Variants in PLOD3 observed in about 807,000 individuals in gnomAD.
The protein encoded by PLOD3 is procollagen-lysine,2-oxoglutarate 5-dioxygenase 3.
Under a neutral mutation model 96.9 loss-of-function variants are expected in PLOD3, and 73 were observed. The observed-to-expected ratio is 0.75, with a 90% CI of 0.62 to 0.92. The LOEUF is 0.92. Ranked by LOEUF, PLOD3 falls within the 40% of genes least tolerant of loss-of-function variation. PLOD3 has a pLI of 0.00. For synonymous variants in PLOD3, 454 were observed against 413.7 expected (o/e 1.10, Z -1.18); for missense variants, 1,004 against 1,004.3 (o/e 1.00, Z 0.00).
chr7:101,210,415 A>G lies in PLOD3; in HGVS notation c.1530T>C (p.His510=). The G allele has an allele frequency of 6.2e-7, 1 of 1,614,158 alleles. No homozygotes were observed. Among genetic ancestry groups the G allele is most frequent in the Non-Finnish European group, 8.5e-7 (1 of 1,180,024 alleles). The part of the protein sequence containing the change: ...KGIFLHLSNQ[H]EFGRLLATSR... ...AAGTGGCCAGGAGCCGGCCAAATTCATGCTGATTGCTCAGATGGAGGAAGA... is the reference window on the plus strand; with the variant it reads ...AAGTGGCCAGGAGCCGGCCAAATTCGTGCTGATTGCTCAGATGGAGGAAGA... Residue 510 remains histidine (H), a synonymous_variant, in exon 14 of 19, where the codon CAT becomes CAC. Transcript: ENST00000223127.
intron 13 of PLOD3, 36 bp from the exon 14 acceptor site, chr7:101,210,480 T>C (rs1584252104): frequency 1.2e-6 from 2 of 1,613,690 alleles, no homozygotes; most frequent in African/African-American, 1.3e-5. Flanking sequence ...ATGCAGGCGA[T>C]GCCTGGAGTC....
chr7:101,209,538 T>C (rs1171600716), intron 15 of PLOD3, among the ~76,000 whole-genome samples: 3 of 142,040 alleles, frequency 2.1e-5, no homozygotes, highest in Non-Finnish European at 3.0e-5. Context: ...CCATCACACC[T>C]GACTAATTTT....
intron 14 of PLOD3, 55 bp from the exon 15 acceptor site, chr7:101,210,216 A>C (rs1335675673): frequency 4.0e-6 from 6 of 1,499,966 alleles, no homozygotes; most frequent in Non-Finnish European, 5.5e-6. Flanking sequence ...CCCAGCCCCC[A>C]GGGGACCGCC....
chr7:101,206,634 G>A, intron 18 of PLOD3, 145 bp downstream of exon 18: 2 of 1,082,832 alleles, frequency 1.8e-6, no homozygotes, highest in Non-Finnish European at 2.7e-6. Flanking sequence ...GAGGCCGCCT[G>A]CCCAGAAGCG....
chr7:101,207,116 T>C (rs1340499377), intron 17 of PLOD3, among the ~76,000 whole-genome samples: 3 of 151,944 alleles, frequency 2.0e-5, no homozygotes, highest in Non-Finnish European at 4.4e-5. Context: ...GCTGGGATTA[T>C]AGGCACCTGC....
Position 101,215,995 on chromosome 7 carries a change from G to C in PLOD3, c.528C>G (p.Ile176Met). The change falls in exon 5 of 19, where the codon ATC becomes ATG. Residue 176 changes from isoleucine to methionine, a missense_variant. Around this residue, in one of 5 missense-constraint regions of PLOD3, gnomAD observed 690 missense variants for 650.2 expected, o/e 1.06. Coordinates refer to ENST00000223127, the MANE Select transcript of PLOD3 (RefSeq NM_001084.5). ...SGGFIGFATT[I>M]HQIVRQWKYK... ...ACTTCCACTGGCGCACGATTTGGTG[G>C]ATGGTGGTGGCAAAACCGATGAATC... 6.2e-7 allele frequency: 1 copy of C among 1,614,128 alleles called. No homozygotes were observed. The highest frequency in any genetic ancestry group is 1.1e-5 in the South Asian group (1 of 91,078).
rs1490393008 is a variant in PLOD3, at chr7:101,206,407, G to C, written c.2091C>G (p.Asp697Glu). ...EGGGCRFLRY[D>E]CVISSPRKGW... Reference sequence around the variant, plus strand: ...CCTTCCTCGGGGAGGAGATCACACAGTCGTAGCGCAGGAAGCGGCAGCCAC... The same window carrying C: ...CCTTCCTCGGGGAGGAGATCACACACTCGTAGCGCAGGAAGCGGCAGCCAC... Residue 697 changes from aspartate to glutamate, a missense_variant, in exon 19 of 19, where the codon GAC (aspartate) becomes GAG (glutamate). Asp to Glu is a conservative substitution (Grantham distance 45). This residue lies in a region of PLOD3 where 222 missense variants were observed against 220.4 expected (regional missense o/e 1.01). Coordinates refer to ENST00000223127, the MANE Select transcript of PLOD3 (RefSeq NM_001084.5). The C allele has an allele frequency of 6.2e-7, 1 of 1,613,068 alleles. No individual in the cohort carries two copies. The highest frequency in any genetic ancestry group is 1.7e-5 in the Admixed American group (1 of 59,772).
intron 5 of PLOD3, 78 bp from the exon 6 acceptor site, chr7:101,215,230 T>C (rs1247379706): frequency 6.4e-6 from 7 of 1,092,554 alleles, no homozygotes; most frequent in Non-Finnish European, 9.9e-6. Flanking sequence ...TTCTCTCTCT[T>C]TTTTTCTTCT....
chr7:101,217,392 G>C lies in PLOD3; in HGVS notation c.-118C>G. On this transcript the variant is annotated 5_prime_UTR_variant, in exon 1 of 19. Coordinates refer to ENST00000223127, the MANE Select transcript of PLOD3 (RefSeq NM_001084.5). ...GCTCGGGCTGCTGTGCGGCCGCCGC[G>C]GGGAGCAGCTTGGCTGGGGCTACGC... 9.4e-7 allele frequency: 1 copy of C among 1,060,804 alleles called. No individual in the cohort carries two copies. The highest frequency in any genetic ancestry group is 1.2e-6 in the Non-Finnish European group (1 of 804,360). 65.7% of individuals were successfully genotyped at this position (1,060,804 alleles called of 1,614,324 possible). A position where few individuals can be genotyped will look rare whatever the true frequency, so the allele number is the denominator to read the frequency against.
In PLOD3 at chr7:101,211,829, G is replaced by A. The variant is rs1329160968; in HGVS notation, c.1232+17C>T. 5.0e-6 allele frequency: 8 copies of A among 1,602,516 alleles called. No homozygotes were observed. The highest frequency in any genetic ancestry group is 6.8e-6 in the Non-Finnish European group (8 of 1,172,048). On this transcript the variant is annotated intron_variant, in intron 11 of 18. Coordinates refer to ENST00000223127, the MANE Select transcript of PLOD3 (RefSeq NM_001084.5). ...TGTTGGGGTGCCCTCCGGCTGCGGGGAGAGGGGGTAAGCCACCTGTTCTCC... is the reference window on the plus strand; with the variant it reads ...TGTTGGGGTGCCCTCCGGCTGCGGGAAGAGGGGGTAAGCCACCTGTTCTCC...
chr7:101,209,039 G>T, intron 15 of PLOD3, 82 bp from the exon 16 acceptor site: 1 of 1,015,642 alleles, frequency 9.8e-7, no homozygotes, highest in Non-Finnish European at 1.6e-6. Context: ...AATGGGAAGG[G>T]GCAGGGAGGA....
intron 2 of PLOD3, 70 bp downstream of exon 2, chr7:101,216,625 C>T: frequency 6.2e-7 from 1 of 1,608,110 alleles, no homozygotes; most frequent in South Asian, 1.1e-5. Context: ...ACCGTGGGGA[C>T]CTGGGCATCC....
Position 101,210,311 on chromosome 7 carries a change from G to C in PLOD3, c.1614+20C>G, listed in dbSNP as rs1039913234. 10 of 1,595,398 alleles carry C rather than the reference G, an allele frequency of 6.3e-6. No individual in the cohort carries two copies. The highest frequency in any genetic ancestry group is 7.7e-6 in the Non-Finnish European group (9 of 1,163,608). ...CAAGGCGGGGAACCTGTGTGCTCTG[G>C]GCGTGGGGTCCCCACTCACGACGGG... On this transcript the variant is annotated intron_variant, in intron 14 of 18. Coordinates refer to ENST00000223127, the MANE Select transcript of PLOD3 (RefSeq NM_001084.5).
intron 12 of PLOD3, chr7:101,211,132 CT>C (rs1798174855): frequency 4.6e-6 from 1 of 216,144 alleles, no homozygotes; most frequent in African/African-American, 2.3e-5. Flanking sequence ...CCACCTGCCT[CT>C]GCCTTCCAAA....
Position 101,212,548 on chromosome 7 carries a change from G to A in PLOD3, c.987C>T (p.Thr329=), listed in dbSNP as rs969236150. The A allele has an allele frequency of 2.5e-6, 4 of 1,613,794 alleles. No homozygotes were observed. In the Admixed American group the frequency reaches 6.7e-5, roughly 27 times the overall value. ...GTCTCACGTTGTTGTGCAGGAAAAG[G>A]GTGACCCTGTCGGGGGGATAGTCCA... ...LLLDYPPDRV[T]LFLHNNEVFH... The change falls in exon 9 of 19, where the codon ACC becomes ACT. Residue 329 remains threonine (T), a synonymous_variant. Transcript: ENST00000223127.
chr7:101,207,932 ACTC>A (rs1225588904), intron 16 of PLOD3, among the ~76,000 whole-genome samples: 1 of 150,798 alleles, frequency 6.6e-6, no homozygotes, highest in African/African-American at 2.4e-5. Context: ...GAAGCTCCCT[ACTC>A]CTCCCAAGTC....
At chr7:101,213,060 TGGGGGTTGGGGCAGGGCGGGGC>T (rs775936942) in intron 7 of PLOD3, 25 bp downstream of exon 7, 2 of 799,096 alleles carry the variant, frequency 2.5e-6, no homozygotes, top group South Asian at 1.4e-5. Flanking sequence ...TGGAGGTGCC[TGGGGGTTGGGGCAGGGCGGGGC>T]GGGGGTTGAG....
rs936646322 is a variant in PLOD3, at chr7:101,216,102, C to T, written c.502+61G>A. The T allele has an allele frequency of 4.8e-5, 78 of 1,611,378 alleles. No individual in the cohort carries two copies. The African/African-American group carries it at 9.9e-4, about 20-fold the overall frequency. ...CCAGGCTGTCTCCAGCCCTCAGGCG[C>T]CTTTAACACTCTGTGTCCCACCGCT... is the stretch of plus-strand genomic sequence containing the variant. On this transcript the variant is annotated intron_variant, in intron 4 of 18. Transcript: ENST00000223127.
chr7:101,215,932 C>T lies in PLOD3; in HGVS notation c.591G>A (p.Arg197=), dbSNP rs1346184159. The T allele has an allele frequency of 1.2e-6, 2 of 1,613,092 alleles. No individual in the cohort carries two copies. Among genetic ancestry groups the T allele is most frequent in the African/African-American group, 1.3e-5 (1 of 74,900 alleles). Residue 197 remains arginine (R), a synonymous_variant, in exon 5 of 19, where the codon CGG becomes CGA. Coordinates refer to ENST00000223127, the MANE Select transcript of PLOD3 (RefSeq NM_001084.5). The part of the protein sequence containing the change: ...DDDDDQLFYT[R]LYLDPGLREK... ...CCCTCAGTCCTGGGTCCAGGTAGAGCCGTGTGTAGAACAGCTGGTCGTCGT... is the reference window on the plus strand; with the variant it reads ...CCCTCAGTCCTGGGTCCAGGTAGAGTCGTGTGTAGAACAGCTGGTCGTCGT...
Sources: gnomAD v4.1 joint callset for allele counts (sites outside exome capture counted in the v4.1 genomes callset) on GRCh38, gnomAD v4.1.1 for gene constraint, gnomAD v4.1.1 regional missense constraint, MANE v1.5 for transcripts, NCBI Gene and HGNC (gene_info 2026-07-23, HGNC 2026-07-21) for gene names.